Variants in RALGPS1 observed in about 807,000 individuals in gnomAD.
The protein encoded by RALGPS1 is ras-specific guanine nucleotide-releasing factor RalGPS1.
A neutral mutation model predicts 78.8 loss-of-function variants in RALGPS1; 19 were observed. That is an observed-to-expected ratio of 0.24 (90% CI 0.17 to 0.35). The LOEUF is 0.35. RALGPS1 is among the 10% of genes least tolerant of loss of function. The probability of loss-of-function intolerance (pLI) is 1.00; values close to 1 mark genes in which losing one functional copy is unlikely to be tolerated. For synonymous variants in RALGPS1, 228 were observed against 256.3 expected, an observed-to-expected ratio of 0.89 and a Z score of 1.06; for missense variants, 454 against 688.3, an observed-to-expected ratio of 0.66 and a Z score of 3.81.
At chr9:127,074,896 C>T (rs573851642) in intron 8 of RALGPS1, among the ~76,000 whole-genome samples, 1 of 152,358 alleles carries the variant, frequency 6.6e-6, no homozygotes, top group Non-Finnish European at 1.5e-5. Context: ...CCTGTGTCCT[C>T]TGGCTATTTA....
intron 8 of RALGPS1, among the ~76,000 whole-genome samples, chr9:127,164,640 A>G (rs1163584171): frequency 6.6e-6 from 1 of 150,584 alleles, no homozygotes; most frequent in East Asian, 2.0e-4. Flanking sequence ...CCTGGGCTCA[A>G]GCAATCCTCC....
At chr9:126,980,699 G>T (rs1339277266) in intron 4 of RALGPS1, among the ~76,000 whole-genome samples, 2 of 152,116 alleles carry the variant, frequency 1.3e-5, no homozygotes, top group Admixed American at 1.3e-4. Flanking sequence ...CCTTAATTCA[G>T]CCCACAGAGG....
intron 8 of RALGPS1, among the ~76,000 whole-genome samples, chr9:127,150,257 C>T (rs982036665): frequency 6.6e-6 from 1 of 152,194 alleles, no homozygotes; most frequent in Non-Finnish European, 1.5e-5. Flanking sequence ...CTCCCTTGAC[C>T]CAGGAGCCTC....
At chr9:126,925,969 A>C (rs911748645) in intron 1 of RALGPS1, among the ~76,000 whole-genome samples, 1 of 152,238 alleles carries the variant, frequency 6.6e-6, no homozygotes, top group African/African-American at 2.4e-5. Flanking sequence ...AGAGCAAGGG[A>C]GAGACCAGTG....
At chr9:127,164,447 C>T (rs897884702) in intron 8 of RALGPS1, among the ~76,000 whole-genome samples, 3 of 151,084 alleles carry the variant, frequency 2.0e-5, no homozygotes, top group Non-Finnish European at 4.4e-5. Flanking sequence ...GTTAGCCGAG[C>T]TGGTTTTGAA....
intron 4 of RALGPS1, 34 bp downstream of exon 4, chr9:126,977,779 G>T: frequency 1.3e-6 from 2 of 1,502,768 alleles, no homozygotes; most frequent in South Asian, 1.2e-5. Context: ...TTCTATTCAT[G>T]CTGTGGGTGG....
At chr9:126,958,142 A>AAAAAAATATATATATAT (rs113413659) in intron 1 of RALGPS1, among the ~76,000 whole-genome samples, 5 of 77,096 alleles carry the variant, frequency 6.5e-5, no homozygotes, top group South Asian at 5.2e-4. Flanking sequence ...AAAAAAAAAA[A>AAAAAAATATATATATAT]ATATATATAT....
intron 7 of RALGPS1, among the ~76,000 whole-genome samples, chr9:127,064,616 A>G (rs1418945902): frequency 2.6e-5 from 4 of 152,198 alleles, no homozygotes; most frequent in Non-Finnish European, 5.9e-5. Context: ...TGCTTTTGCT[A>G]CAGTTTCTTG....
intron 4 of RALGPS1, among the ~76,000 whole-genome samples, chr9:126,985,010 A>G (rs567519688): frequency 6.6e-6 from 1 of 152,274 alleles, no homozygotes; most frequent in Non-Finnish European, 1.5e-5. Context: ...TTTCTCCATA[A>G]TTCTTCCTTC....
At chr9:126,991,776 T>C (rs2042304921) in intron 4 of RALGPS1, among the ~76,000 whole-genome samples, 1 of 152,204 alleles carries the variant, frequency 6.6e-6, no homozygotes, top group South Asian at 2.1e-4. Flanking sequence ...GTTAAGAAGA[T>C]TGTGGAAGAG....
chr9:127,119,536 C>T (rs1448542213), intron 8 of RALGPS1, among the ~76,000 whole-genome samples: 3 of 152,192 alleles, frequency 2.0e-5, no homozygotes, highest in Non-Finnish European at 2.9e-5. Flanking sequence ...GTTAACCTCT[C>T]GAGACTTAGT....
At position 127,059,760 on chromosome 9, in the gene RALGPS1, G is replaced by C. The variant is rs537466282; in HGVS notation, c.483+6821G>C. The stretch of plus-strand genomic sequence containing the variant: ...GATCCCTCTGCTTGCATGTTCCTTT[G>C]ACAGCTCACACTTGGCATGTCTGAA... On this transcript the variant is annotated intron_variant, in intron 7 of 18. Transcript: ENST00000259351. 4.2e-4 allele frequency among the ~76,000 whole-genome samples: 64 copies of C among 152,026 alleles called. 1 individual carries two copies. In the South Asian group the frequency reaches 0.012, roughly 30 times the overall value.
At chr9:127,064,506 C>T (rs1376709832) in intron 7 of RALGPS1, among the ~76,000 whole-genome samples, 1 of 152,228 alleles carries the variant, frequency 6.6e-6, no homozygotes, top group Non-Finnish European at 1.5e-5. Context: ...AAACAACTAA[C>T]ATTCGTCACT....
intron 4 of RALGPS1, among the ~76,000 whole-genome samples, chr9:127,022,250 G>T (rs1203392997): frequency 1.3e-5 from 2 of 151,948 alleles, no homozygotes; most frequent in Non-Finnish European, 2.9e-5. Flanking sequence ...GGCCCATACT[G>T]CCTCCTCCCT....
chr9:127,063,926 A>G (rs1276622177), intron 7 of RALGPS1, among the ~76,000 whole-genome samples: 1 of 152,160 alleles, frequency 6.6e-6, no homozygotes, highest in Non-Finnish European at 1.5e-5. Context: ...TTATTCTTTT[A>G]TGCAGCAAAT....
chr9:127,160,101 G>A (rs909369749), intron 8 of RALGPS1, among the ~76,000 whole-genome samples: 1 of 152,220 alleles, frequency 6.6e-6, no homozygotes, highest in African/African-American at 2.4e-5. Flanking sequence ...GGGAGAACAA[G>A]GGAGCAGTGA....
rs1276953088 is a variant in RALGPS1 at position 127,091,757 on chromosome 9, G to A, written c.610+22401G>A. The A allele has an allele frequency of 1.4e-5, 22 of 1,614,110 alleles. No homozygotes were observed. Among genetic ancestry groups the A allele is most frequent in the East Asian group, 4.5e-5 (2 of 44,888 alleles). ...GAGTCACCCGCATTGCCATGGTAGC[G>A]CCCCAGCCGCAGCTTATAATACTCG... On this transcript the variant is annotated intron_variant, in intron 8 of 18. Transcript: ENST00000259351. This position sits in a 1 kb window ranked among gnomAD's most constrained non-coding sequence, Gnocchi z 4.3.
chr9:127,053,422 A>C (rs1202121364), intron 7 of RALGPS1, among the ~76,000 whole-genome samples: 1 of 152,202 alleles, frequency 6.6e-6, no homozygotes, highest in Non-Finnish European at 1.5e-5. Flanking sequence ...TCAGAGGTGG[A>C]GTCTGATAGT....
intron 8 of RALGPS1, among the ~76,000 whole-genome samples, chr9:127,152,550 T>C (rs2058480643): frequency 6.6e-6 from 1 of 152,230 alleles, no homozygotes; most frequent in Admixed American, 6.5e-5. Flanking sequence ...TCCATAGCCT[T>C]GGATCACTGT....
Sources: allele counts gnomAD v4.1 joint callset (sites outside exome capture counted in the v4.1 genomes callset), GRCh38; gene constraint gnomAD v4.1.1; non-coding constraint Gnocchi (gnomAD v3.1); transcripts MANE v1.5; gene names NCBI Gene and HGNC (gene_info 2026-07-23, HGNC 2026-07-21).